Variants in TTLL11 observed in about 807,000 individuals in gnomAD.
TTLL11 encodes the protein tubulin polyglutamylase TTLL11.
In TTLL11, 42 loss-of-function variants were observed where a neutral mutation model predicts 51.7. The observed-to-expected ratio is 0.81, with a 90% CI of 0.64 to 1.05. The LOEUF (loss-of-function observed/expected upper bound fraction) is 1.05. TTLL11 is among the 50% of genes least tolerant of loss of function. The pLI, the probability that TTLL11 is intolerant of heterozygous loss-of-function variation, is 0.00. For missense variants in TTLL11, 799 were observed against 940.4 expected, an observed-to-expected ratio of 0.85 and a Z score of 1.97; for synonymous variants, 381 against 383.5, an observed-to-expected ratio of 0.99 and a Z score of 0.08.
At chr9:121,922,160 C>T (rs1325752068) in intron 6 of TTLL11, among the ~76,000 whole-genome samples, 2 of 152,194 alleles carry the variant, frequency 1.3e-5, no homozygotes, top group East Asian at 1.9e-4. Flanking sequence ...AGGGACAACT[C>T]TATCTCTACC....
chr9:121,934,796 G>A (rs775329693), intron 6 of TTLL11, among the ~76,000 whole-genome samples: 14 of 152,102 alleles, frequency 9.2e-5, no homozygotes, highest in South Asian at 2.1e-4. Flanking sequence ...AAAAAGAAGC[G>A]TGTTCAAGGG....
rs537925857 is a variant in TTLL11 at position 121,902,694 on chromosome 9, T to C, written c.1482-31946A>G. On this transcript the variant is annotated intron_variant, in intron 6 of 8. Coordinates refer to ENST00000321582, the MANE Select transcript of TTLL11 (RefSeq NM_001139442.2). The stretch of plus-strand genomic sequence containing the variant: ...GAGTAAGTCATCAGCAAGCCCTCCA[T>C]TTATGTGTTTTTAGTGGAGTCCAGA... Among the ~76,000 whole-genome samples, 21 of 151,352 alleles carry C rather than the reference T, an allele frequency of 1.4e-4. No homozygotes were observed. In the South Asian group the frequency reaches 4.3e-3, roughly 31 times the overall value.
intron 1 of TTLL11, among the ~76,000 whole-genome samples, chr9:122,079,893 C>T (rs1351939211): frequency 2.6e-5 from 4 of 151,782 alleles, no homozygotes; most frequent in Non-Finnish European, 2.9e-5. Context: ...TTTGGGAGGC[C>T]GAGGTGGAAG....
In TTLL11 at chr9:121,989,088, C is replaced by T. The variant is rs1843016686; in HGVS notation, c.1269+107G>A. 3.3e-6 allele frequency: 5 copies of T among 1,537,028 alleles called. No homozygotes were observed. The highest frequency in any genetic ancestry group is 4.4e-6 in the Non-Finnish European group (5 of 1,141,352). On this transcript the variant is annotated intron_variant, in intron 4 of 8. Transcript: ENST00000321582. The surrounding 1 kb of genome is among the most constrained non-coding windows in gnomAD (Gnocchi z 4.2). ...AGCCCACAGCACCACCAACACTGTC[C>T]CCTCCTCTGGCCATCCCACCCCGAT...
chr9:121,861,202 C>T (rs555945083), intron 7 of TTLL11, among the ~76,000 whole-genome samples: 2 of 151,774 alleles, frequency 1.3e-5, no homozygotes, highest in African/African-American at 2.4e-5. Flanking sequence ...GTTCTCCCTA[C>T]GTCTGTCCCC....
At chr9:121,895,362 G>A (rs1839424381) in intron 6 of TTLL11, among the ~76,000 whole-genome samples, 1 of 141,868 alleles carries the variant, frequency 7.0e-6, no homozygotes, top group African/African-American at 2.5e-5. Context: ...GCGTGTGTGT[G>A]TATTGTGTGA....
intron 6 of TTLL11, among the ~76,000 whole-genome samples, chr9:121,913,819 C>T (rs890265403): frequency 3.3e-5 from 5 of 152,174 alleles, no homozygotes; most frequent in Non-Finnish European, 5.9e-5. Context: ...CTGCCTCATG[C>T]TCTTTCATGG....
chr9:121,839,372 C>A (rs1837285982), intron 8 of TTLL11, among the ~76,000 whole-genome samples: 1 of 152,186 alleles, frequency 6.6e-6, no homozygotes, highest in Non-Finnish European at 1.5e-5. Flanking sequence ...GGCTTGATAT[C>A]AGACATGCCT....
intron 8 of TTLL11, among the ~76,000 whole-genome samples, chr9:121,831,430 G>A (rs1477650757): frequency 6.6e-6 from 1 of 152,216 alleles, no homozygotes; most frequent in African/African-American, 2.4e-5. Context: ...GCTGGGCCCA[G>A]TGGCTCACAC....
chr9:121,934,157 C>T (rs1219358294), intron 6 of TTLL11, among the ~76,000 whole-genome samples: 3 of 151,906 alleles, frequency 2.0e-5, no homozygotes, highest in Admixed American at 1.3e-4. Context: ...TGCTTGAACC[C>T]GGGAGGTGGA....
At chr9:122,044,366 A>G (rs1174347509) in intron 1 of TTLL11, among the ~76,000 whole-genome samples, 1 of 152,142 alleles carries the variant, frequency 6.6e-6, no homozygotes, top group African/African-American at 2.4e-5. Context: ...TCCTTTGGGT[A>G]TATACCCAGT....
intron 8 of TTLL11, among the ~76,000 whole-genome samples, chr9:121,857,170 G>A (rs1278876024): frequency 6.6e-6 from 1 of 152,186 alleles, no homozygotes; most frequent in Non-Finnish European, 1.5e-5. Context: ...CTCAGAGGAC[G>A]GAGGAAAGGG....
chr9:122,083,370 A>G (rs1487166331), intron 1 of TTLL11, among the ~76,000 whole-genome samples: 1 of 152,218 alleles, frequency 6.6e-6, no homozygotes, highest in Non-Finnish European at 1.5e-5. Context: ...AATAACCAAG[A>G]TGATGAGAGA....
chr9:121,883,495 A>G (rs1279603685), intron 6 of TTLL11, among the ~76,000 whole-genome samples: 1 of 152,174 alleles, frequency 6.6e-6, no homozygotes, highest in African/African-American at 2.4e-5. Context: ...TCGACCCATG[A>G]CATTCTTTCC....
chr9:122,077,521 GA>G (rs966352690), intron 1 of TTLL11, among the ~76,000 whole-genome samples: 1 of 151,144 alleles, frequency 6.6e-6, no homozygotes, highest in African/African-American at 2.4e-5. Flanking sequence ...AAATGAACAA[GA>G]AAAAAAATCA....
chr9:122,034,783 A>T (rs1023165764), intron 2 of TTLL11, among the ~76,000 whole-genome samples: 6 of 152,172 alleles, frequency 3.9e-5, no homozygotes, highest in African/African-American at 1.2e-4. Flanking sequence ...GTGAGAAGGA[A>T]GGTCATGGCC....
chr9:122,033,702 G>C (rs189993353), intron 2 of TTLL11, among the ~76,000 whole-genome samples: 6 of 152,138 alleles, frequency 3.9e-5, no homozygotes, highest in African/African-American at 1.4e-4. Context: ...TTCCATCAGC[G>C]TATTAAAAAG....
intron 8 of TTLL11, among the ~76,000 whole-genome samples, chr9:121,829,757 G>A (rs1394601282): frequency 6.8e-6 from 1 of 147,390 alleles, no homozygotes; most frequent in South Asian, 2.2e-4. Context: ...CATGCTCGTT[G>A]TTGATAATAA....
chr9:121,875,396 T>C (rs1838527833), intron 6 of TTLL11, among the ~76,000 whole-genome samples: 1 of 152,208 alleles, frequency 6.6e-6, no homozygotes, highest in African/African-American at 2.4e-5. Context: ...GTCTGTTTTT[T>C]CTTCTAGCGA....
Sources: allele counts gnomAD v4.1 joint callset (sites outside exome capture counted in the v4.1 genomes callset), GRCh38; gene constraint gnomAD v4.1.1; non-coding constraint Gnocchi (gnomAD v3.1); transcripts MANE v1.5; gene names NCBI Gene and HGNC (gene_info 2026-07-23, HGNC 2026-07-21).